Variants in TMEM178B observed in about 807,000 individuals in gnomAD.
TMEM178B encodes transmembrane protein 178B.
Under a neutral mutation model 31.0 loss-of-function variants are expected in TMEM178B, and 5 were observed. That is an observed-to-expected ratio of 0.16 (90% CI 0.08 to 0.34). The LOEUF (loss-of-function observed/expected upper bound fraction) is 0.34. TMEM178B is among the 10% of genes least tolerant of loss of function. TMEM178B has a pLI of 1.00. For synonymous variants in TMEM178B, 164 were observed against 164.0 expected, an observed-to-expected ratio of 1.00 and a Z score of 0.00; for missense variants, 275 against 400.3, an observed-to-expected ratio of 0.69 and a Z score of 2.67.
intron 2 of TMEM178B, among the ~76,000 whole-genome samples, chr7:141,213,925 A>T (rs1797088608): frequency 6.6e-6 from 1 of 152,214 alleles, no homozygotes; most frequent in African/African-American, 2.4e-5. Flanking sequence ...TGTTTCCCCT[A>T]CAAGATTTAT....
At chr7:141,444,298 C>T (rs905317562) in intron 3 of TMEM178B, among the ~76,000 whole-genome samples, 2 of 152,104 alleles carry the variant, frequency 1.3e-5, no homozygotes, top group African/African-American at 4.8e-5. Flanking sequence ...TAAGGTATCA[C>T]TAATGTCGGG....
the TMEM178B span, among the ~76,000 whole-genome samples, chr7:141,491,102 A>G: frequency 6.6e-6 from 1 of 152,072 alleles, no homozygotes; most frequent in African/African-American, 2.4e-5. Flanking sequence ...GTTATGGCTC[A>G]CTGCGGCCTT....
At chr7:141,139,712 A>G (rs922865855) in intron 1 of TMEM178B, among the ~76,000 whole-genome samples, 1 of 152,018 alleles carries the variant, frequency 6.6e-6, no homozygotes, top group African/African-American at 2.4e-5. Context: ...GCTAAATAAG[A>G]TGGCTGTACT....
intron 2 of TMEM178B, among the ~76,000 whole-genome samples, chr7:141,328,789 A>G (rs1799243368): frequency 6.6e-6 from 1 of 152,152 alleles, no homozygotes; most frequent in African/African-American, 2.4e-5. Context: ...TTTTCCTATA[A>G]TGAATCTTAG....
Position 141,409,999 on chromosome 7 carries a change from C to T in TMEM178B, c.497-27609C>T, listed in dbSNP as rs571503083. On this transcript the variant is annotated intron_variant, in intron 2 of 3. Coordinates refer to ENST00000565468, the MANE Select transcript of TMEM178B (RefSeq NM_001195278.2). ...GCCATCTCTTTGTCTTTGCTTAGCC[C>T]TGGGCTCAGCAGCCGCCAGGCCATG... Among the ~76,000 whole-genome samples, 16 of 152,300 alleles carry T rather than the reference C, an allele frequency of 1.1e-4. No individual in the cohort carries two copies. In the East Asian group the frequency reaches 3.1e-3, roughly 29 times the overall value.
intron 2 of TMEM178B, among the ~76,000 whole-genome samples, chr7:141,394,396 G>A (rs887245172): frequency 1.3e-5 from 2 of 152,228 alleles, no homozygotes; most frequent in African/African-American, 4.8e-5. Context: ...CCTGTGTGGT[G>A]GCTTGGGAGT....
Position 141,470,558 on chromosome 7 carries a change from G to A in TMEM178B, c.657G>A (p.Leu219=), listed in dbSNP as rs1401234706. 6.6e-7 allele frequency: 1 copy of A among 1,524,366 alleles called. No homozygotes were observed. Among genetic ancestry groups the A allele is most frequent in the South Asian group, 1.2e-5 (1 of 82,062 alleles). 94.4% of individuals were successfully genotyped at this position (1,524,366 alleles called of 1,614,324 possible). A position where few individuals can be genotyped will look rare whatever the true frequency, so the allele number is the denominator to read the frequency against. Residue 219 remains leucine (L), a synonymous_variant, in exon 4 of 4, where the codon CTG becomes CTA. Coordinates refer to ENST00000565468, the MANE Select transcript of TMEM178B (RefSeq NM_001195278.2). ...LMGGTFCIIS[L]CTCVAGINFE... ...CAGGAACCTTCTGCATCATTTCACT[G>A]TGCACCTGTGTGGCCGGGATCAACT...
chr7:141,278,751 G>T (rs776799115), intron 2 of TMEM178B, among the ~76,000 whole-genome samples: 1 of 152,130 alleles, frequency 6.6e-6, no homozygotes, highest in African/African-American at 2.4e-5. Context: ...GCTGTGGAAC[G>T]TATTAGGGAT....
chr7:141,122,968 A>T (rs1161240808), intron 1 of TMEM178B, among the ~76,000 whole-genome samples: 1 of 152,224 alleles, frequency 6.6e-6, no homozygotes, highest in Non-Finnish European at 1.5e-5. Context: ...TGGAAATTCC[A>T]GTTGTGGTCA....
intron 2 of TMEM178B, among the ~76,000 whole-genome samples, chr7:141,265,342 G>C (rs542838681): frequency 1.4e-4 from 21 of 152,238 alleles, no homozygotes; most frequent in Admixed American, 2.6e-4. Context: ...GAGTTTCATG[G>C]CTTCAGGACT....
At chr7:141,200,389 G>A (rs1271293609) in intron 1 of TMEM178B, among the ~76,000 whole-genome samples, 3 of 151,046 alleles carry the variant, frequency 2.0e-5, no homozygotes, top group Non-Finnish European at 4.4e-5. Flanking sequence ...GCTGAGAGGT[G>A]GTTTTTTTAG....
chr7:141,502,869 G>GTAC, the TMEM178B span, among the ~76,000 whole-genome samples: 1 of 152,184 alleles, frequency 6.6e-6, no homozygotes, highest in South Asian at 2.1e-4. Context: ...TGGGTGCTAG[G>GTAC]TACTGTTCCA....
chr7:141,387,911 C>T (rs1211686853), intron 2 of TMEM178B, among the ~76,000 whole-genome samples: 1 of 152,126 alleles, frequency 6.6e-6, no homozygotes, highest in African/African-American at 2.4e-5. Context: ...CCCCCTTTCC[C>T]GCAGGCAGCC....
intron 2 of TMEM178B, among the ~76,000 whole-genome samples, chr7:141,229,100 G>GGTGTGTGTGTGTGTGTGTGT (rs3035765): frequency 3.0e-5 from 4 of 134,782 alleles, no homozygotes; most frequent in African/African-American, 1.1e-4. Flanking sequence ...GTGTGTGTGT[G>GGTGTGTGTGTGTGTGTGTGT]GTGTGTGTGT....
Position 141,078,513 on chromosome 7 carries a change from A to G in TMEM178B, c.382+3821A>G, listed in dbSNP as rs150436302. ...CACATGTATTGTGTTATGGGCACAC[A>G]TCGCTAGGATGAAGAAATGCATAAG... On this transcript the variant is annotated intron_variant, in intron 1 of 3. Transcript: ENST00000565468. Among the ~76,000 whole-genome samples, 184 of 152,340 alleles carry G rather than the reference A, an allele frequency of 1.2e-3. 1 individual carries two copies. Among genetic ancestry groups the G allele is most frequent in the African/African-American group, 4.2e-3 (174 of 41,582 alleles).
intron 1 of TMEM178B, among the ~76,000 whole-genome samples, chr7:141,180,478 A>AG (rs1299428492): frequency 6.6e-6 from 1 of 151,482 alleles, no homozygotes; most frequent in Non-Finnish European, 1.5e-5. Context: ...AAAAAAAAAA[A>AG]AAAAAGAAAG....
At chr7:141,448,851 A>G (rs549638163) in intron 3 of TMEM178B, among the ~76,000 whole-genome samples, 1 of 152,226 alleles carries the variant, frequency 6.6e-6, no homozygotes, top group Non-Finnish European at 1.5e-5. Flanking sequence ...CTGGGGTGGA[A>G]ATCACTAAAC....
At chr7:141,369,316 CGTGTGT>C (rs55960871) in intron 2 of TMEM178B, among the ~76,000 whole-genome samples, 6,537 of 138,304 alleles carry the variant, frequency 0.047, 143 homozygotes, top group Middle Eastern at 0.075. Flanking sequence ...TCCGCGCCGA[CGTGTGT>C]GTGTGTGTGT....
At position 141,120,951 on chromosome 7, in the gene TMEM178B, C is replaced by A. The variant is rs1387066093; in HGVS notation, c.382+46259C>A. 2.6e-5 allele frequency among the ~76,000 whole-genome samples: 4 copies of A among 151,482 alleles called. No individual in the cohort carries two copies. In the East Asian group the frequency reaches 7.7e-4, roughly 29 times the overall value. ...CTGCACTCCAGACTGGGTGACAGAGCAAGACTCTGTCTCTAAATAATAATA... is the reference window on the plus strand; with the variant it reads ...CTGCACTCCAGACTGGGTGACAGAGAAAGACTCTGTCTCTAAATAATAATA... On this transcript the variant is annotated intron_variant, in intron 1 of 3. Coordinates refer to ENST00000565468, the MANE Select transcript of TMEM178B (RefSeq NM_001195278.2).
Sources: gnomAD v4.1 joint callset for allele counts (sites outside exome capture counted in the v4.1 genomes callset) on GRCh38, gnomAD v4.1.1 for gene constraint, MANE v1.5 for transcripts, NCBI Gene and HGNC (gene_info 2026-07-23, HGNC 2026-07-21) for gene names.